Variants in PTPN12 observed in about 807,000 individuals in gnomAD.
PTPN12 encodes the protein protein tyrosine phosphatase non-receptor type 12.
Under a neutral mutation model 97.6 loss-of-function variants are expected in PTPN12, and 29 were observed. That is an observed-to-expected ratio of 0.30 (90% CI 0.22 to 0.41). PTPN12 has a LOEUF of 0.41. Among genes scored for constraint, PTPN12 ranks in the 10% least tolerant of loss-of-function variants. PTPN12 has a pLI of 1.00. For missense variants in PTPN12, 819 were observed against 926.0 expected, an observed-to-expected ratio of 0.88 and a Z score of 1.50; for synonymous variants, 327 against 300.4, an observed-to-expected ratio of 1.09 and a Z score of -0.91.
intron 11 of PTPN12, among the ~76,000 whole-genome samples, chr7:77,612,574 G>A (rs1319771286): frequency 6.6e-6 from 1 of 151,786 alleles, no homozygotes; most frequent in African/African-American, 2.4e-5. Context: ...TAGTAGCTGG[G>A]ATCACAAGCA....
intron 1 of PTPN12, among the ~76,000 whole-genome samples, chr7:77,551,379 T>G (rs1405223049): frequency 6.6e-6 from 1 of 152,238 alleles, no homozygotes; most frequent in Admixed American, 6.5e-5. Flanking sequence ...TCTGCTCTTG[T>G]CTGTAGCTAT....
intron 2 of PTPN12, among the ~76,000 whole-genome samples, chr7:77,572,507 C>G (rs1053768487): frequency 6.6e-6 from 1 of 152,024 alleles, no homozygotes; most frequent in Non-Finnish European, 1.5e-5. Flanking sequence ...CTTTTCTCCA[C>G]TAACTTCTTT....
chr7:77,539,095 T>G (rs73147936), intron 1 of PTPN12, among the ~76,000 whole-genome samples: 2,155 of 152,276 alleles, frequency 0.014, 31 homozygotes, highest in Non-Finnish European at 0.019. Context: ...GTTTTTATGG[T>G]GGAGGTGATA....
At chr7:77,582,863 C>T (rs185280657) in intron 3 of PTPN12, among the ~76,000 whole-genome samples, 36 of 151,120 alleles carry the variant, frequency 2.4e-4, no homozygotes, top group South Asian at 6.3e-4. Context: ...ATAAAAATTT[C>T]TTTTTTTAAC....
At chr7:77,557,299 A>G (rs893435539) in intron 1 of PTPN12, among the ~76,000 whole-genome samples, 2 of 152,086 alleles carry the variant, frequency 1.3e-5, no homozygotes, top group African/African-American at 4.8e-5. Flanking sequence ...ATAGTTGTTC[A>G]CACTGAGCCT....
intron 14 of PTPN12, among the ~76,000 whole-genome samples, chr7:77,633,891 T>C (rs1237578028): frequency 6.7e-6 from 1 of 150,220 alleles, no homozygotes; most frequent in Non-Finnish European, 1.5e-5. Flanking sequence ...GTTGTGGTGG[T>C]GGGCGCCTGT....
rs1491415495 is a variant in PTPN12, at chr7:77,625,566, T to TC, written c.1026-1139_1026-1138insC. 9.5e-5 allele frequency among the ~76,000 whole-genome samples: 6 copies of TC among 62,860 alleles called. 1 individual carries two copies. Among genetic ancestry groups the TC allele is most frequent in the South Asian group, 5.3e-4 (1 of 1,870 alleles). The allele number at this position is 62,860 out of a possible 152,430, so 41.2% of individuals were successfully genotyped here. A position where few individuals can be genotyped will look rare whatever the true frequency, so the allele number is the denominator to read the frequency against. On this transcript the variant is annotated intron_variant, in intron 12 of 17. Transcript: ENST00000248594. ...CGCTCTCTCTCTCGCTCTCTCTCTC[T>TC]TTTTTTTTTTTTTTTTTTTTTTGGA...
rs201906336 is a variant in PTPN12, at chr7:77,627,459, C to A, written c.1780C>A (p.Pro594Thr). 6.2e-7 allele frequency: 1 copy of A among 1,613,910 alleles called. No homozygotes were observed. Among genetic ancestry groups the A allele is most frequent in the East Asian group, 2.2e-5 (1 of 44,880 alleles). ...TAACACTTCACCACTCTTCAGAACA[C>A]CCCTCAGTTTTACTAATCCACTTCA... ...HDNTSPLFRT[P>T]LSFTNPLHSD... The change falls in exon 13 of 18, where the codon CCC (proline) becomes ACC (threonine). Residue 594 changes from proline (P) to threonine (T), a missense_variant. Physicochemically the swap from Pro to Thr is conservative, Grantham distance 38. Coordinates refer to ENST00000248594, the MANE Select transcript of PTPN12 (RefSeq NM_002835.4).
chr7:77,600,133 A>G (rs2151359223), intron 7 of PTPN12, among the ~76,000 whole-genome samples: 1 of 152,282 alleles, frequency 6.6e-6, no homozygotes. Context: ...GAGAACCACT[A>G]ATCTGTAAGA....
chr7:77,566,766 A>T (rs1430081297), intron 1 of PTPN12, among the ~76,000 whole-genome samples: 1 of 152,136 alleles, frequency 6.6e-6, no homozygotes, highest in Non-Finnish European at 1.5e-5. Flanking sequence ...ATGCTTTCTT[A>T]AAGGATTTGT....
At chr7:77,611,185 ATTTCC>A in intron 11 of PTPN12, 139 bp downstream of exon 11, 2 of 630,898 alleles carry the variant, frequency 3.2e-6, no homozygotes, top group Non-Finnish European at 5.6e-6. Flanking sequence ...ACTTAAACTC[ATTTCC>A]TTCTTATTCG....
chr7:77,537,902 G>C (rs1158381886), intron 1 of PTPN12: 1 of 575,120 alleles, frequency 1.7e-6, no homozygotes. Context: ...GCGCGGCCGA[G>C]CCCGCAGCCT....
chr7:77,543,926 T>C (rs1807104426), intron 1 of PTPN12, among the ~76,000 whole-genome samples: 1 of 152,236 alleles, frequency 6.6e-6, no homozygotes, highest in Non-Finnish European at 1.5e-5. Context: ...TTGATGGGTA[T>C]TTGAATTGTT....
intron 6 of PTPN12, 101 bp from the exon 7 acceptor site, chr7:77,597,738 GATT>G (rs1193940198): frequency 7.5e-7 from 1 of 1,339,236 alleles, no homozygotes; most frequent in African/African-American, 1.5e-5. Flanking sequence ...GAATTTTAAA[GATT>G]AATTTTATAT....
At chr7:77,553,585 A>C (rs1210369817) in intron 1 of PTPN12, among the ~76,000 whole-genome samples, 1 of 152,226 alleles carries the variant, frequency 6.6e-6, no homozygotes, top group Non-Finnish European at 1.5e-5. Flanking sequence ...AATCTGCTTT[A>C]TCTGAAATTA....
chr7:77,562,001 A>G (rs1432466127), intron 1 of PTPN12, among the ~76,000 whole-genome samples: 2 of 151,614 alleles, frequency 1.3e-5, no homozygotes, highest in Admixed American at 1.3e-4. Context: ...CGTGTTAGCC[A>G]GGATGGTCTC....
intron 16 of PTPN12, among the ~76,000 whole-genome samples, chr7:77,637,535 A>G (rs774179056): frequency 4.6e-5 from 7 of 152,164 alleles, no homozygotes; most frequent in Non-Finnish European, 1.0e-4. Flanking sequence ...AGAGTAAACT[A>G]CAATCTAAAC....
chr7:77,552,215 C>T (rs1379750605), intron 1 of PTPN12, among the ~76,000 whole-genome samples: 1 of 152,156 alleles, frequency 6.6e-6, no homozygotes, highest in Admixed American at 6.5e-5. Context: ...CTCCTGGACT[C>T]AACAGATCCG....
chr7:77,577,758 G>A (rs563612639), intron 2 of PTPN12, among the ~76,000 whole-genome samples: 1 of 152,120 alleles, frequency 6.6e-6, no homozygotes, highest in Non-Finnish European at 1.5e-5. Flanking sequence ...TACCAAATTT[G>A]CCTGTGTTTT....
Sources: gnomAD v4.1 joint callset for allele counts (sites outside exome capture counted in the v4.1 genomes callset) on GRCh38, gnomAD v4.1.1 for gene constraint, MANE v1.5 for transcripts, NCBI Gene and HGNC (gene_info 2026-07-23, HGNC 2026-07-21) for gene names.